The following NBEA variants were observed in gnomAD, a reference collection of about 807,000 sequenced individuals.
NBEA encodes the protein lysosomal-trafficking regulator 2.
In NBEA, 44 loss-of-function variants were observed where a neutral mutation model predicts 343.4. That is an observed-to-expected ratio of 0.13 (90% CI 0.10 to 0.16). NBEA has a LOEUF of 0.16. Ranked by LOEUF, NBEA falls within the 10% of genes least tolerant of loss-of-function variation. NBEA has a pLI of 1.00. For missense variants in NBEA, 2,555 were observed against 3,631.3 expected, an observed-to-expected ratio of 0.70 and a Z score of 7.62; for synonymous variants, 1,175 against 1,238.7, an observed-to-expected ratio of 0.95 and a Z score of 1.08.
intron 40 of NBEA, among the ~76,000 whole-genome samples, chr13:35,467,047 T>C (rs1047616919): frequency 1.3e-5 from 2 of 152,158 alleles, no homozygotes; most frequent in African/African-American, 4.8e-5. Context: ...TGCCCAAAGC[T>C]TTCCTAGGAT....
intron 10 of NBEA, among the ~76,000 whole-genome samples, chr13:35,080,275 C>T (rs1278527024): frequency 6.6e-6 from 1 of 152,138 alleles, no homozygotes; most frequent in East Asian, 1.9e-4. Flanking sequence ...CATTGAGGAT[C>T]TCTCCCTTGG....
At chr13:35,379,915 G>C (rs9544181) in intron 38 of NBEA, among the ~76,000 whole-genome samples, 1 of 151,946 alleles carries the variant, frequency 6.6e-6, no homozygotes, top group East Asian at 1.9e-4. Flanking sequence ...AAGCCCTTTA[G>C]CTTTGTGGTT....
At chr13:35,370,000 A>G (rs1055077570) in intron 38 of NBEA, among the ~76,000 whole-genome samples, 1 of 151,964 alleles carries the variant, frequency 6.6e-6, no homozygotes, top group Non-Finnish European at 1.5e-5. Context: ...TGCATATTCC[A>G]TAGCTATTGG....
intron 38 of NBEA, among the ~76,000 whole-genome samples, chr13:35,424,407 CA>C: frequency 6.6e-6 from 1 of 152,192 alleles, no homozygotes; most frequent in East Asian, 1.9e-4. Context: ...TTGAGATAAT[CA>C]TTTGGTTTTT....
At chr13:35,276,296 A>G (rs1042875398) in intron 34 of NBEA, among the ~76,000 whole-genome samples, 1 of 152,126 alleles carries the variant, frequency 6.6e-6, no homozygotes, top group Admixed American at 6.6e-5. Context: ...AACCAGGAAA[A>G]TACCAAAAAA....
At chr13:35,477,387 C>T (rs559819176) in intron 41 of NBEA, among the ~76,000 whole-genome samples, 33 of 152,204 alleles carry the variant, frequency 2.2e-4, no homozygotes, top group African/African-American at 7.0e-4. Context: ...AAAAATATTT[C>T]GTACATCCCT....
chr13:35,231,810 G>C lies in NBEA; in HGVS notation c.5649-682G>C, dbSNP rs141787111. Reference sequence around the variant, plus strand: ...CTTACTCCAAAGCACTTTTATCTAAGACAGATAAATCTGTTACTATGTTAT... The same window carrying C: ...CTTACTCCAAAGCACTTTTATCTAACACAGATAAATCTGTTACTATGTTAT... On this transcript the variant is annotated intron_variant, in intron 33 of 58. Transcript: ENST00000379939. 4.8e-3 allele frequency among the ~76,000 whole-genome samples: 729 copies of C among 152,222 alleles called. 8 individuals are homozygous for C. The highest frequency in any genetic ancestry group is 0.017 in the African/African-American group (705 of 41,552).
chr13:35,265,633 G>C (rs1240012232), intron 34 of NBEA, among the ~76,000 whole-genome samples: 1 of 151,820 alleles, frequency 6.6e-6, no homozygotes, highest in African/African-American at 2.4e-5. Flanking sequence ...TCAATAAATA[G>C]TGTTGGGAAA....
intron 41 of NBEA, among the ~76,000 whole-genome samples, chr13:35,491,547 C>G (rs1434804407): frequency 6.6e-6 from 1 of 151,836 alleles, no homozygotes; most frequent in East Asian, 1.9e-4. Flanking sequence ...ATCTTTGACT[C>G]CTCGCTTGCT....
At chr13:35,372,119 G>A (rs1031116731) in intron 38 of NBEA, among the ~76,000 whole-genome samples, 9 of 152,202 alleles carry the variant, frequency 5.9e-5, no homozygotes, top group African/African-American at 2.2e-4. Context: ...TGCCAGCAGT[G>A]GCAGCAGAGG....
chr13:35,169,913 C>G (rs1002447353), intron 25 of NBEA, among the ~76,000 whole-genome samples: 1 of 151,618 alleles, frequency 6.6e-6, no homozygotes, highest in African/African-American at 2.4e-5. Flanking sequence ...TTTCTTTATG[C>G]CATGTGTACT....
At chr13:35,047,839 A>G (rs1214587992) in intron 4 of NBEA, among the ~76,000 whole-genome samples, 1 of 150,744 alleles carries the variant, frequency 6.6e-6, no homozygotes, top group Non-Finnish European at 1.5e-5. Flanking sequence ...TAGAATTTTG[A>G]TAAAGTCTAG....
Position 35,159,882 on chromosome 13 carries a change from GACTGCTACA to G in NBEA, c.3715_3723del (p.Ala1239_Thr1241del). On this transcript the variant is annotated inframe_deletion, in exon 22 of 59. Coordinates refer to ENST00000379939, the MANE Select transcript of NBEA (RefSeq NM_001385012.1). ...CTAAGGGGCTGGAGTATGCTGAAAT[GACTGCTACA>G]ACTCTGGAAACTGAGTCTTCTAGTA... 6.2e-7 allele frequency: 1 copy of G among 1,602,294 alleles called. No individual in the cohort carries two copies.
chr13:35,404,542 G>A (rs908169780), intron 38 of NBEA, among the ~76,000 whole-genome samples: 3 of 142,918 alleles, frequency 2.1e-5, no homozygotes, highest in African/African-American at 7.9e-5. Context: ...TCATAGGTGG[G>A]AATTGAACAA....
intron 4 of NBEA, among the ~76,000 whole-genome samples, chr13:35,046,693 T>G (rs1165554404): frequency 2.0e-5 from 3 of 152,118 alleles, no homozygotes; most frequent in African/African-American, 7.2e-5. Flanking sequence ...TAGTAAAACT[T>G]TTGTGAGTGT....
At chr13:35,438,572 A>G (rs1333849205) in intron 39 of NBEA, among the ~76,000 whole-genome samples, 4 of 152,188 alleles carry the variant, frequency 2.6e-5, no homozygotes, top group Non-Finnish European at 5.9e-5. Context: ...CATCTTCATT[A>G]TTGTTCATTG....
intron 10 of NBEA, among the ~76,000 whole-genome samples, chr13:35,073,647 T>TA (rs2063978002): frequency 6.6e-6 from 1 of 152,060 alleles, no homozygotes; most frequent in Admixed American, 6.6e-5. Flanking sequence ...TTAGAATTTT[T>TA]AAAAAATTAT....
chr13:35,113,420 C>G (rs1457830242), intron 13 of NBEA, among the ~76,000 whole-genome samples: 2 of 152,100 alleles, frequency 1.3e-5, no homozygotes, highest in Non-Finnish European at 2.9e-5. Flanking sequence ...TACATTGAAA[C>G]TATATAAATA....
intron 26 of NBEA, among the ~76,000 whole-genome samples, chr13:35,172,584 C>T (rs2152723355): frequency 6.6e-6 from 1 of 152,088 alleles, no homozygotes; most frequent in Admixed American, 6.6e-5. Flanking sequence ...ATACTACTAG[C>T]ACATTTAGTT....
Sources: gnomAD v4.1 joint callset for allele counts (sites outside exome capture counted in the v4.1 genomes callset) on GRCh38, gnomAD v4.1.1 for gene constraint, MANE v1.5 for transcripts, NCBI Gene and HGNC (gene_info 2026-07-23, HGNC 2026-07-21) for gene names.